FBXL17: variants seen among roughly 807,000 people sequenced by gnomAD.
The protein encoded by FBXL17 is F-box and leucine rich repeat protein 17.
In FBXL17, 22 loss-of-function variants were observed where a neutral mutation model predicts 66.2. The ratio of observed to expected loss-of-function variants is 0.33; its 90% CI spans 0.24 to 0.47. The LOEUF (loss-of-function observed/expected upper bound fraction) is 0.47. Among genes scored for constraint, FBXL17 ranks in the 20% least tolerant of loss-of-function variants. The pLI is 1.00. For synonymous variants in FBXL17, 474 were observed against 400.5 expected, an observed-to-expected ratio of 1.18 and a Z score of -2.19; for missense variants, 878 against 948.2, an observed-to-expected ratio of 0.93 and a Z score of 0.97.
intron 6 of FBXL17, among the ~76,000 whole-genome samples, chr5:108,144,609 A>T (rs2149990064): frequency 6.6e-6 from 1 of 152,254 alleles, no homozygotes; most frequent in South Asian, 2.1e-4. Context: ...CAACTGCTGT[A>T]GGCAAAAAAC....
intron 1 of FBXL17, among the ~76,000 whole-genome samples, chr5:108,377,945 T>G (rs150087442): frequency 6.6e-6 from 1 of 152,364 alleles, no homozygotes; most frequent in Non-Finnish European, 1.5e-5. Flanking sequence ...TATTATCTTT[T>G]ATATAAAAGT....
At chr5:108,159,586 C>G (rs1752130295) in intron 6 of FBXL17, among the ~76,000 whole-genome samples, 1 of 152,142 alleles carries the variant, frequency 6.6e-6, no homozygotes, top group Non-Finnish European at 1.5e-5. Flanking sequence ...GAAGTGGGCC[C>G]TCACCAGACC....
chr5:107,950,172 GAA>G (rs1251319308), intron 7 of FBXL17, among the ~76,000 whole-genome samples: 1 of 152,060 alleles, frequency 6.6e-6, no homozygotes, highest in Non-Finnish European at 1.5e-5. Flanking sequence ...AACCCTCCAA[GAA>G]AAAGACAGAA....
Position 108,364,805 on chromosome 5 carries a change from T to C in FBXL17, c.1307A>G (p.His436Arg), listed in dbSNP as rs745547101. 1.2e-6 allele frequency: 2 copies of C among 1,612,760 alleles called. No individual in the cohort carries two copies. The highest frequency in any genetic ancestry group is 2.2e-5 in the South Asian group (2 of 91,036). Residue 436 changes from histidine (H) to arginine (R), a missense_variant, in exon 3 of 9, where the codon CAC becomes CGC. His to Arg is a conservative substitution (Grantham distance 29). Transcript: ENST00000542267. ...SDTSIIAVAS[H>R]CPLLQKVHVG... ...ATGCACTTTCTGAAGTAAAGGACAG[T>C]GAGAGGCAACCGCAATAATAGAGGT...
intron 3 of FBXL17, among the ~76,000 whole-genome samples, chr5:108,353,736 C>A (rs574157944): frequency 2.6e-4 from 39 of 152,100 alleles, no homozygotes; most frequent in Non-Finnish European, 5.3e-4. Context: ...CCCTCTCTAG[C>A]CATCCCAGCC....
At chr5:107,906,666 C>T (rs1031421368) in intron 7 of FBXL17, among the ~76,000 whole-genome samples, 1 of 151,956 alleles carries the variant, frequency 6.6e-6, no homozygotes, top group Admixed American at 6.6e-5. Flanking sequence ...TCAGATAAAA[C>T]TGAAAAAAGG....
In FBXL17 at chr5:108,375,024, A is replaced by C. The variant is rs374204855; in HGVS notation, c.993+5675T>G. Among the ~76,000 whole-genome samples, 3 of 152,154 alleles carry C rather than the reference A, an allele frequency of 2.0e-5. No homozygotes were observed. In the East Asian group the frequency reaches 5.8e-4, roughly 29 times the overall value. On this transcript the variant is annotated intron_variant, in intron 1 of 8. Transcript: ENST00000542267. ...ATACAAATGAAATATAGACTAGAAA[A>C]ATAATAGATGATCAACAAAACCAAA...
chr5:108,222,495 C>T (rs889490677), intron 5 of FBXL17, among the ~76,000 whole-genome samples: 1 of 152,026 alleles, frequency 6.6e-6, no homozygotes, highest in African/African-American at 2.4e-5. Context: ...GAATAACAGG[C>T]CTATCCTCTC....
At chr5:107,944,180 G>C (rs1751207843) in intron 7 of FBXL17, among the ~76,000 whole-genome samples, 1 of 152,030 alleles carries the variant, frequency 6.6e-6, no homozygotes, top group Non-Finnish European at 1.5e-5. Flanking sequence ...TTGTACATTT[G>C]TCTATTTTGC....
At chr5:108,307,065 CT>C (rs1316583714) in intron 4 of FBXL17, among the ~76,000 whole-genome samples, 1 of 151,982 alleles carries the variant, frequency 6.6e-6, no homozygotes, top group Non-Finnish European at 1.5e-5. Flanking sequence ...TCAAGTACCC[CT>C]ATACCTCTCA....
At chr5:108,346,667 A>G (rs1217805787) in intron 4 of FBXL17, among the ~76,000 whole-genome samples, 2 of 152,150 alleles carry the variant, frequency 1.3e-5, no homozygotes, top group Non-Finnish European at 1.5e-5. Context: ...CATAAAAACT[A>G]CTATGTTTTA....
chr5:108,258,737 ATTT>A (rs759401052), intron 4 of FBXL17, among the ~76,000 whole-genome samples: 25 of 122,816 alleles, frequency 2.0e-4, no homozygotes, highest in East Asian at 4.6e-4. Context: ...GGCCTTTAAC[ATTT>A]TTTTTTTTTT....
intron 6 of FBXL17, among the ~76,000 whole-genome samples, chr5:108,072,788 T>C (rs148863854): frequency 1.9e-3 from 287 of 152,328 alleles, no homozygotes; most frequent in Middle Eastern, 6.8e-3. Context: ...TCATTCCTCA[T>C]TAACGCTTTT....
At chr5:107,916,890 A>G (rs965889531) in intron 7 of FBXL17, among the ~76,000 whole-genome samples, 3 of 152,244 alleles carry the variant, frequency 2.0e-5, no homozygotes, top group Admixed American at 6.5e-5. Context: ...ACTCAGAAGT[A>G]GAAACCGTTT....
chr5:107,995,024 A>G (rs1339302224), intron 7 of FBXL17, among the ~76,000 whole-genome samples: 1 of 152,198 alleles, frequency 6.6e-6, no homozygotes, highest in Non-Finnish European at 1.5e-5. Context: ...TGGCAATAAT[A>G]GAAATGTTTC....
At chr5:108,142,087 G>A (rs928270301) in intron 6 of FBXL17, among the ~76,000 whole-genome samples, 2 of 152,206 alleles carry the variant, frequency 1.3e-5, no homozygotes, top group African/African-American at 4.8e-5. Flanking sequence ...AAAAGCATAT[G>A]TTTTCACATA....
At chr5:107,880,073 TTTTG>T (rs761251025) in intron 8 of FBXL17, 90 of 290,158 alleles carry the variant, frequency 3.1e-4, no homozygotes, top group Admixed American at 7.8e-4. Flanking sequence ...TATAGGTTTT[TTTTG>T]TTTGTTTGGG....
intron 6 of FBXL17, among the ~76,000 whole-genome samples, chr5:108,084,194 C>A (rs1338830462): frequency 6.6e-6 from 1 of 152,144 alleles, no homozygotes. Context: ...CATATACGTG[C>A]CGCAAGCAAT....
At chr5:108,278,334 G>C (rs1849012) in intron 4 of FBXL17, among the ~76,000 whole-genome samples, 22 of 152,152 alleles carry the variant, frequency 1.4e-4, no homozygotes, top group African/African-American at 4.6e-4. Context: ...CTCAATCTTA[G>C]CTCTTAAAAG....
Sources: allele counts gnomAD v4.1 joint callset (sites outside exome capture counted in the v4.1 genomes callset), GRCh38; gene constraint gnomAD v4.1.1; transcripts MANE v1.5; gene names NCBI Gene and HGNC (gene_info 2026-07-23, HGNC 2026-07-21).